ZNF706: variants seen among roughly 807,000 people sequenced by gnomAD.
ZNF706 encodes the protein zinc finger protein 706.
ZNF706 carries 4 observed loss-of-function variants against 9.2 expected under a neutral mutation model. That is an observed-to-expected ratio of 0.43 (90% CI 0.21 to 0.99). The LOEUF is 0.99. ZNF706 is among the 50% of genes least tolerant of loss of function. The pLI, the probability that ZNF706 is intolerant of heterozygous loss-of-function variation, is 0.26. For synonymous variants in ZNF706, 28 were observed against 27.3 expected (o/e 1.03, Z -0.08); for missense variants, 27 against 87.8 (o/e 0.31, Z 2.77).
rs184259178 is a variant in ZNF706 at position 101,201,078 on chromosome 8, A to C, written c.135+529T>G. The stretch of plus-strand genomic sequence containing the variant: ...TGGATTAAATAGGTGAATACATGTA[A>C]AACACCTGGCTCTATGTGTGGCATA... On this transcript the variant is annotated intron_variant, in intron 2 of 3. Coordinates refer to ENST00000311212, the MANE Select transcript of ZNF706 (RefSeq NM_016096.5). The surrounding 1 kb of genome is among the most constrained non-coding windows in gnomAD (Gnocchi z 4.5). 1.0e-3 allele frequency: 171 copies of C among 165,576 alleles called. No homozygotes were observed. The highest frequency in any genetic ancestry group is 1.8e-3 in the Non-Finnish European group (137 of 74,394). The allele number at this position is 165,576 out of a possible 1,614,324, so 10.3% of individuals were successfully genotyped here.
rs545476203 is a variant in ZNF706 at position 101,198,134 on chromosome 8, C to T, written c.*1118G>A. 2.0e-5 allele frequency: 3 copies of T among 152,254 alleles called. No homozygotes were observed. In the South Asian group the frequency reaches 6.2e-4, roughly 32 times the overall value. The allele number at this position is 152,254 out of a possible 1,614,324, so 9.4% of individuals were successfully genotyped here. A position where few individuals can be genotyped will look rare whatever the true frequency, so the allele number is the denominator to read the frequency against. On this transcript the variant is annotated 3_prime_UTR_variant, in exon 4 of 4. Transcript: ENST00000311212. ...CATCTGAACAAACCCATTTTCCCATCCTGAGATCTAAAAGAATGTGAATAT... is the reference window on the plus strand; with the variant it reads ...CATCTGAACAAACCCATTTTCCCATTCTGAGATCTAAAAGAATGTGAATAT...
At chr8:101,200,281 T>C in intron 2 of ZNF706, 184 bp from the exon 3 acceptor site, 1 of 517,140 alleles carries the variant, frequency 1.9e-6, no homozygotes, top group East Asian at 3.4e-5. Flanking sequence ...CGTTCCCACA[T>C]TTCACCTATA....
rs2129867425 is a variant in ZNF706 at position 101,198,112 on chromosome 8, C to G, written c.*1140G>C. 6.6e-6 allele frequency: 1 copy of G among 152,312 alleles called. No homozygotes were observed. The highest frequency in any genetic ancestry group is 2.4e-5 in the African/African-American group (1 of 41,572). The allele number at this position is 152,312 out of a possible 1,614,324, so 9.4% of individuals were successfully genotyped here. ...ATTGGGTAAGATTTACCATATCCAT[C>G]TGAACAAACCCATTTTCCCATCCTG... On this transcript the variant is annotated 3_prime_UTR_variant, in exon 4 of 4. Coordinates refer to ENST00000311212, the MANE Select transcript of ZNF706 (RefSeq NM_016096.5).
chr8:101,198,569 C>T lies in ZNF706; in HGVS notation c.*683G>A, dbSNP rs1049535974. ...CACAAGGGCTCACTGACAATCCAAC[C>T]GCTTTTAGGAAGCTATCAGTTATCT... On this transcript the variant is annotated 3_prime_UTR_variant, in exon 4 of 4. Transcript: ENST00000311212. 5 of 152,174 alleles carry T rather than the reference C, an allele frequency of 3.3e-5. No homozygotes were observed. Among genetic ancestry groups the T allele is most frequent in the Admixed American group, 1.3e-4 (2 of 15,278 alleles). The allele number at this position is 152,174 out of a possible 1,614,324, so 9.4% of individuals were successfully genotyped here.
chr8:101,200,958 G>C (rs1217093236), intron 2 of ZNF706: 3 of 251,988 alleles, frequency 1.2e-5, no homozygotes, highest in Middle Eastern at 4.6e-4. Flanking sequence ...TAACCAGCTG[G>C]GAGACCCCAC....
chr8:101,200,495 A>G (rs899662735), intron 2 of ZNF706, among the ~76,000 whole-genome samples: 2 of 152,180 alleles, frequency 1.3e-5, no homozygotes, highest in African/African-American at 2.4e-5. Flanking sequence ...CCTTATTTTA[A>G]CTTAGTACTA....
At chr8:101,200,557 C>T (rs1810521031) in intron 2 of ZNF706, among the ~76,000 whole-genome samples, 1 of 152,118 alleles carries the variant, frequency 6.6e-6, no homozygotes. Flanking sequence ...TGGCAAGAAC[C>T]TTCAATTATT....
At position 101,205,205 on chromosome 8, in the gene ZNF706, G is replaced by C. The variant is rs1299981956; in HGVS notation, c.-3+230C>G. The C allele has an allele frequency of 6.6e-6, 1 of 152,610 alleles. No individual in the cohort carries two copies. The highest frequency in any genetic ancestry group is 2.4e-5 in the African/African-American group (1 of 41,452). The allele number at this position is 152,610 out of a possible 1,614,324, so 9.5% of individuals were successfully genotyped here. On this transcript the variant is annotated intron_variant, in intron 1 of 3. Transcript: ENST00000311212. This position sits in a 1 kb window ranked among gnomAD's most constrained non-coding sequence, Gnocchi z 6.6. ...GACCGGCGGCTGTCGCCGGGGGTAA[G>C]GTTACCGCTCCGCTTCCGCGGCTGG...
chr8:101,199,309 T>TA, intron 3 of ZNF706, 70 bp from the exon 4 acceptor site: 1 of 695,800 alleles, frequency 1.4e-6, no homozygotes. Flanking sequence ...GCATTTCAAA[T>TA]AACTAAGAAG....
chr8:101,200,129 CTTTA>C (rs1810505460), intron 2 of ZNF706, 32 bp from the exon 3 acceptor site: 1 of 1,528,460 alleles, frequency 6.5e-7, no homozygotes. Context: ...GAGAGCTAGA[CTTTA>C]TTTATAAAAT....
chr8:101,204,531 G>GC (rs1235006471), intron 1 of ZNF706: 32 of 751,718 alleles, frequency 4.3e-5, no homozygotes, highest in Non-Finnish European at 5.2e-5. Flanking sequence ...CTTTTGGACA[G>GC]CTCAACTTAG....
Position 101,201,728 on chromosome 8 carries a change from T to C in ZNF706, c.14A>G (p.Gln5Arg). The C allele has an allele frequency of 1.2e-6, 2 of 1,614,050 alleles. No individual in the cohort carries two copies. The highest frequency in any genetic ancestry group is 1.7e-6 in the Non-Finnish European group (2 of 1,180,004). The change falls in exon 2 of 4, where the codon CAG (glutamine) becomes CGG (arginine). Residue 5 changes from glutamine (Q) to arginine (R), a missense_variant. By Grantham distance (43) the Gln-to-Arg change is conservative (BLOSUM62 1). Coordinates refer to ENST00000311212, the MANE Select transcript of ZNF706 (RefSeq NM_016096.5). This position sits in a 1 kb window ranked among gnomAD's most constrained non-coding sequence, Gnocchi z 4.5. MARG[Q>R]QKIQSQQKNA... Reference sequence around the variant, plus strand: ...TTTCTGCTGAGACTGAATTTTCTGCTGTCCACGAGCCATATCTAAAAACAG... The same window carrying C: ...TTTCTGCTGAGACTGAATTTTCTGCCGTCCACGAGCCATATCTAAAAACAG...
At chr8:101,204,798 A>G (rs1390525031) in intron 1 of ZNF706, 15 of 985,342 alleles carry the variant, frequency 1.5e-5, no homozygotes, top group African/African-American at 1.7e-5. Context: ...ACCAACATAA[A>G]TGAGTAACAG....
chr8:101,205,032 G>A lies in ZNF706; in HGVS notation c.-3+403C>T. ...CCAAACCCGCCTCTCCCGCCTCGGA[G>A]ACCCCCTCCTCCTCCCTGCCACCAA... On this transcript the variant is annotated intron_variant, in intron 1 of 3. Coordinates refer to ENST00000311212, the MANE Select transcript of ZNF706 (RefSeq NM_016096.5). This position sits in a 1 kb window ranked among gnomAD's most constrained non-coding sequence, Gnocchi z 6.6. The A allele has an allele frequency of 1.3e-6, 1 of 793,164 alleles. No homozygotes were observed. Among genetic ancestry groups the A allele is most frequent in the Non-Finnish European group, 1.5e-6 (1 of 654,460 alleles). 49.1% of individuals were successfully genotyped at this position (793,164 alleles called of 1,614,324 possible).
rs1394906895 is a variant in ZNF706 at position 101,201,512 on chromosome 8, T to TAG, written c.135+94_135+95insCT. 7.9e-5 allele frequency: 87 copies of TAG among 1,102,862 alleles called. 1 individual carries two copies. The highest frequency in any genetic ancestry group is 1.1e-4 in the Non-Finnish European group (84 of 769,422). The allele number at this position is 1,102,862 out of a possible 1,614,324, so 68.3% of individuals were successfully genotyped here. A position where few individuals can be genotyped will look rare whatever the true frequency, so the allele number is the denominator to read the frequency against. Reference sequence around the variant, plus strand: ...CAGCTCTCAAACCTACTATTTCATGTAAAGCATCTATTTTGCCATGGTTTC... The same window carrying TAG: ...CAGCTCTCAAACCTACTATTTCATGTAGAAAGCATCTATTTTGCCATGGTTTC... On this transcript the variant is annotated intron_variant, in intron 2 of 3. Transcript: ENST00000311212. The surrounding 1 kb of genome is among the most constrained non-coding windows in gnomAD (Gnocchi z 4.5).
rs1315029326 is a variant in ZNF706, at chr8:101,201,903, A to G, written c.-2-160T>C. On this transcript the variant is annotated intron_variant, in intron 1 of 3. Transcript: ENST00000311212. The surrounding 1 kb of genome is among the most constrained non-coding windows in gnomAD (Gnocchi z 4.5). ...AATTCCCACATATAAATGCTACAAAAGTATCAATTGACACAACCCTGTGGA... is the reference window on the plus strand; with the variant it reads ...AATTCCCACATATAAATGCTACAAAGGTATCAATTGACACAACCCTGTGGA... Among the ~76,000 whole-genome samples, 4 of 152,218 alleles carry G rather than the reference A, an allele frequency of 2.6e-5. No homozygotes were observed. Among genetic ancestry groups the G allele is most frequent in the African/African-American group, 9.7e-5 (4 of 41,442 alleles).
intron 1 of ZNF706, chr8:101,203,925 T>C (rs759942989): frequency 6.6e-6 from 1 of 152,224 alleles, no homozygotes. Context: ...GATACTTATG[T>C]ATTATTTGGA....
rs1050915370 is a variant in ZNF706, at chr8:101,201,084, C to T, written c.135+523G>A. On this transcript the variant is annotated intron_variant, in intron 2 of 3. Transcript: ENST00000311212. The surrounding 1 kb of genome is among the most constrained non-coding windows in gnomAD (Gnocchi z 4.5). ...AAATAGGTGAATACATGTAAAACAC[C>T]TGGCTCTATGTGTGGCATATGGTAA... The T allele has an allele frequency of 3.1e-5, 5 of 162,612 alleles. No homozygotes were observed. Among genetic ancestry groups the T allele is most frequent in the Admixed American group, 6.3e-5 (1 of 15,954 alleles). 10.1% of individuals were successfully genotyped at this position (162,612 alleles called of 1,614,324 possible). A position where few individuals can be genotyped will look rare whatever the true frequency, so the allele number is the denominator to read the frequency against.
Position 101,201,605 on chromosome 8 carries a change from A to T in ZNF706, c.135+2T>A. The T allele has an allele frequency of 6.2e-7, 1 of 1,609,520 alleles. No individual in the cohort carries two copies. Among genetic ancestry groups the T allele is most frequent in the Non-Finnish European group, 8.5e-7 (1 of 1,178,326 alleles). On this transcript the variant is annotated splice_donor_variant, in intron 2 of 3. Coordinates refer to ENST00000311212, the MANE Select transcript of ZNF706 (RefSeq NM_016096.5). LOFTEE classifies it high-confidence loss of function. The surrounding 1 kb of genome is among the most constrained non-coding windows in gnomAD (Gnocchi z 4.5). ...TGTATCTTTCAATTCAATTCCCCTTACCCTACAGACAGTGCAGGTATATAT... is the reference window on the plus strand; with the variant it reads ...TGTATCTTTCAATTCAATTCCCCTTTCCCTACAGACAGTGCAGGTATATAT...
Sources: allele counts gnomAD v4.1 joint callset (sites outside exome capture counted in the v4.1 genomes callset), GRCh38; gene constraint gnomAD v4.1.1; non-coding constraint Gnocchi (gnomAD v3.1); transcripts MANE v1.5; gene names NCBI Gene and HGNC (gene_info 2026-07-23, HGNC 2026-07-21).